The following SNX6 variants were observed in gnomAD, a reference collection of about 807,000 sequenced individuals.
SNX6 encodes sorting nexin 6.
Under a neutral mutation model 63.0 loss-of-function variants are expected in SNX6, and 34 were observed. The ratio of observed to expected loss-of-function variants is 0.54; its 90% CI spans 0.41 to 0.72. The LOEUF (loss-of-function observed/expected upper bound fraction) is 0.72, where lower values mean the gene tolerates loss of function less well. SNX6 is among the 30% of genes least tolerant of loss of function. The pLI is 0.00. For missense variants in SNX6, 398 were observed against 471.4 expected (o/e 0.84, Z 1.44); for synonymous variants, 170 against 164.2 (o/e 1.04, Z -0.27).
chr14:34,578,158 C>T (rs186364723), intron 10 of SNX6, among the ~76,000 whole-genome samples: 7 of 151,736 alleles, frequency 4.6e-5, no homozygotes, highest in Non-Finnish European at 7.4e-5. Context: ...GAGCCAAGAT[C>T]GTTCCACTGC....
intron 2 of SNX6, among the ~76,000 whole-genome samples, chr14:34,610,983 G>A (rs1212024649): frequency 6.6e-6 from 1 of 152,062 alleles, no homozygotes; most frequent in Non-Finnish European, 1.5e-5. Flanking sequence ...ATATACGTGT[G>A]TGTGTGTGTA....
rs34435703 is a variant in SNX6 at position 34,606,196 on chromosome 14, C to CTT, written c.271-481_271-480dup. On this transcript the variant is annotated intron_variant, in intron 4 of 13. Coordinates refer to ENST00000362031, the MANE Select transcript of SNX6 (RefSeq NM_152233.4). ...CTCCAAAAAAAAAAAGTTATCTAAT[C>CTT]TTTTTTTTTTTTTTTTTGGAGACGG... Among the ~76,000 whole-genome samples, 384 of 57,620 alleles carry CTT rather than the reference C, an allele frequency of 6.7e-3. 2 individuals are homozygous for CTT. Among genetic ancestry groups the CTT allele is most frequent in the African/African-American group, 0.021 (369 of 17,644 alleles). 37.8% of individuals were successfully genotyped at this position (57,620 alleles called of 152,430 possible).
chr14:34,572,774 G>A (rs1050408023), intron 11 of SNX6, among the ~76,000 whole-genome samples: 1 of 151,720 alleles, frequency 6.6e-6, no homozygotes, highest in African/African-American at 2.4e-5. Flanking sequence ...TCCGCCTCCT[G>A]GGTTCATGCC....
chr14:34,609,374 T>G (rs1055009740), intron 3 of SNX6, among the ~76,000 whole-genome samples: 2 of 147,118 alleles, frequency 1.4e-5, no homozygotes, highest in Non-Finnish European at 3.0e-5. Flanking sequence ...CCAGCTACTC[T>G]GGAGGCTGAG....
intron 1 of SNX6, 31 bp from the exon 2 acceptor site, chr14:34,629,985 GA>G (rs1555329576): frequency 3.3e-6 from 5 of 1,528,272 alleles, no homozygotes; most frequent in East Asian, 2.5e-5. Flanking sequence ...GCGCGCCGGG[GA>G]AAAGGATGAG....
At chr14:34,569,421 GTTTT>G (rs111736588) in intron 11 of SNX6, among the ~76,000 whole-genome samples, 1 of 144,032 alleles carries the variant, frequency 6.9e-6, no homozygotes, top group Non-Finnish European at 1.5e-5. Flanking sequence ...TTCTGGACAT[GTTTT>G]TTTTTTTTGT....
chr14:34,612,140 T>C (rs189328129), intron 2 of SNX6, among the ~76,000 whole-genome samples: 1 of 152,072 alleles, frequency 6.6e-6, no homozygotes, highest in East Asian at 1.9e-4. Flanking sequence ...AGGGTCTCGC[T>C]ATGTCACCCA....
intron 2 of SNX6, among the ~76,000 whole-genome samples, chr14:34,616,215 A>T (rs1883415067): frequency 9.0e-6 from 1 of 111,692 alleles, no homozygotes; most frequent in African/African-American, 3.1e-5. Context: ...CAGCCTCCCA[A>T]AGTGCTGGGA....
At chr14:34,622,569 CAAAA>C (rs35554563) in intron 2 of SNX6, among the ~76,000 whole-genome samples, 12 of 99,658 alleles carry the variant, frequency 1.2e-4, no homozygotes, top group Admixed American at 3.2e-4. Flanking sequence ...GGCAATAGAG[CAAAA>C]AAAAAAAAAA....
intron 7 of SNX6, among the ~76,000 whole-genome samples, chr14:34,594,366 T>C (rs1407046035): frequency 1.3e-5 from 2 of 150,890 alleles, no homozygotes; most frequent in Non-Finnish European, 2.9e-5. Context: ...TTATTATTAT[T>C]ATCTTCAGAC....
chr14:34,629,882 C>T (rs1049638816), intron 2 of SNX6, 25 bp downstream of exon 2: 4 of 1,553,220 alleles, frequency 2.6e-6, no homozygotes, highest in African/African-American at 2.7e-5. Context: ...CAGGGTCCCG[C>T]GAGCGAAAGG....
intron 7 of SNX6, among the ~76,000 whole-genome samples, chr14:34,596,914 C>T (rs1882627544): frequency 6.6e-6 from 1 of 152,094 alleles, no homozygotes; most frequent in African/African-American, 2.4e-5. Flanking sequence ...TCAAATGATC[C>T]ACCCACCTTG....
At chr14:34,567,490 AAAAAC>A (rs578164633) in intron 13 of SNX6, among the ~76,000 whole-genome samples, 191 bp downstream of exon 13, 1 of 152,200 alleles carries the variant, frequency 6.6e-6, no homozygotes, top group Admixed American at 6.5e-5. Flanking sequence ...TCTGTCTCAA[AAAAAC>A]AAAACAAAAC....
rs74473328 is a variant in SNX6 at position 34,576,435 on chromosome 14, CATATAT to C, written c.835-599_835-594del. Among the ~76,000 whole-genome samples the C allele has an allele frequency of 6.1e-3, 848 of 138,526 alleles. 6 individuals carry two copies. The highest frequency in any genetic ancestry group is 8.0e-3 in the Non-Finnish European group (527 of 65,490). The allele number at this position is 138,526 out of a possible 152,430, so 90.9% of individuals were successfully genotyped here. On this transcript the variant is annotated intron_variant, in intron 10 of 13. Coordinates refer to ENST00000362031, the MANE Select transcript of SNX6 (RefSeq NM_152233.4). ...GACTCGTGAGTTTATGGAAGGACAC[CATATAT>C]ATATATATATATTTTTTTTTTTTTT...
intron 13 of SNX6, among the ~76,000 whole-genome samples, chr14:34,564,263 G>A (rs143392550): frequency 0.013 from 1,917 of 152,166 alleles, 26 homozygotes; most frequent in Non-Finnish European, 0.018. Flanking sequence ...CCTGACCTCA[G>A]GTGATCTGCC....
chr14:34,597,085 T>C (rs1300749605), intron 7 of SNX6, among the ~76,000 whole-genome samples: 1 of 152,260 alleles, frequency 6.6e-6, no homozygotes, highest in Non-Finnish European at 1.5e-5. Flanking sequence ...TCTGCAGCTC[T>C]GTCTGTCCTG....
chr14:34,605,493 G>T, intron 5 of SNX6, 103 bp downstream of exon 5: 1 of 920,978 alleles, frequency 1.1e-6, no homozygotes, highest in Non-Finnish European at 1.6e-6. Flanking sequence ...AGGGTTTAAT[G>T]ATGGGATATC....
intron 2 of SNX6, among the ~76,000 whole-genome samples, chr14:34,626,668 C>CAATAA (rs1883839923): frequency 7.9e-6 from 1 of 126,558 alleles, no homozygotes; most frequent in Admixed American, 8.9e-5. Flanking sequence ...GACTCCATTT[C>CAATAA]AAAAAAAAAA....
In SNX6 at chr14:34,623,891, G is replaced by A. The variant is rs901025931; in HGVS notation, c.54+6016C>T. ...CAAAGAGAATCATGCCATCACTCTG[G>A]CATGCACTGTTCTTATTTAACAAGC... On this transcript the variant is annotated intron_variant, in intron 2 of 13. Transcript: ENST00000362031. Among the ~76,000 whole-genome samples the A allele has an allele frequency of 3.3e-5, 5 of 152,074 alleles. No individual in the cohort carries two copies. The East Asian group carries it at 7.7e-4, about 23-fold the overall frequency.
Sources: gnomAD v4.1 joint callset for allele counts (sites outside exome capture counted in the v4.1 genomes callset) on GRCh38, gnomAD v4.1.1 for gene constraint, MANE v1.5 for transcripts, NCBI Gene and HGNC (gene_info 2026-07-23, HGNC 2026-07-21) for gene names.